The following SAXO4 variants were observed in gnomAD, a reference collection of about 807,000 sequenced individuals.
SAXO4 encodes stabilizer of axonemal microtubules 4, also known as protein phosphatase 1 regulatory subunit 32.
the SAXO4 span, chr11:61,486,863 T>A: frequency 1.7e-6 from 2 of 1,157,474 alleles, no homozygotes; most frequent in South Asian, 2.5e-5. Context: ...CACAGCTGTG[T>A]GTGCCTCTGC....
At chr11:61,482,554 G>A in the SAXO4 span, 5 of 1,581,716 alleles carry the variant, frequency 3.2e-6, no homozygotes, top group African/African-American at 1.4e-5. Context: ...AGGGCACAGC[G>A]GACCTCTGAG....
At chr11:61,483,360 G>T in the SAXO4 span, among the ~76,000 whole-genome samples, 1 of 151,804 alleles carries the variant, frequency 6.6e-6, no homozygotes, top group Non-Finnish European at 1.5e-5. Context: ...TACAGACAGG[G>T]TTTCACCGTG....
chr11:61,485,445 C>T, the SAXO4 span: 1 of 1,558,608 alleles, frequency 6.4e-7, no homozygotes, highest in Non-Finnish European at 8.8e-7. Context: ...ATCTTCCAAT[C>T]CACCTCCCTA....
chr11:61,482,133 C>T, the SAXO4 span, among the ~76,000 whole-genome samples: 2 of 152,194 alleles, frequency 1.3e-5, no homozygotes, highest in African/African-American at 4.8e-5. Context: ...CCCAGCCCAC[C>T]CACTCCATTT....
At chr11:61,488,543 A>G in the SAXO4 span, among the ~76,000 whole-genome samples, 1 of 152,044 alleles carries the variant, frequency 6.6e-6, no homozygotes, top group Non-Finnish European at 1.5e-5. Flanking sequence ...TGACCTCGTG[A>G]TCTGCCCGCC....
At chr11:61,487,043 G>A in the SAXO4 span, 3 of 1,614,026 alleles carry the variant, frequency 1.9e-6, no homozygotes, top group East Asian at 2.2e-5. Flanking sequence ...TGCTTGGCCG[G>A]GAGACTGTGG....
the SAXO4 span, chr11:61,490,429 C>CAGAAGAAA: frequency 7.2e-7 from 1 of 1,389,032 alleles, no homozygotes; most frequent in Non-Finnish European, 1.0e-6. Flanking sequence ...GAGGGTCAGG[C>CAGAAGAAA]AGAAGACAAG....
chr11:61,485,678 A>G, the SAXO4 span: 2 of 771,234 alleles, frequency 2.6e-6, no homozygotes, highest in Admixed American at 4.6e-5. Flanking sequence ...CACGATCCTC[A>G]TGGCGCAGGT....
chr11:61,485,269 C>T, the SAXO4 span: 1 of 1,393,802 alleles, frequency 7.2e-7, no homozygotes, highest in Non-Finnish European at 1.0e-6. Flanking sequence ...GGCGCCACTC[C>T]ACCGCCGCCA....
the SAXO4 span, chr11:61,481,960 C>A: frequency 7.3e-7 from 1 of 1,360,592 alleles, no homozygotes; most frequent in Non-Finnish European, 1.0e-6. Flanking sequence ...AGGACATGGG[C>A]AGGAAGGGAG....
the SAXO4 span, chr11:61,482,842 C>G: frequency 6.4e-7 from 1 of 1,562,292 alleles, no homozygotes; most frequent in South Asian, 1.2e-5. Flanking sequence ...AGAGGGAAGC[C>G]TCAGGGTGGG....
At chr11:61,482,857 G>A in the SAXO4 span, 3 of 1,525,516 alleles carry the variant, frequency 2.0e-6, no homozygotes, top group Admixed American at 4.4e-5. Flanking sequence ...GGTGGGGTGG[G>A]GCTAGGGCTG....
At chr11:61,489,504 G>A in the SAXO4 span, 6 of 576,220 alleles carry the variant, frequency 1.0e-5, no homozygotes, top group South Asian at 4.5e-5. Context: ...TGGATGAGAC[G>A]GGGTCCCCAC....
At chr11:61,490,183 C>G in the SAXO4 span, among the ~76,000 whole-genome samples, 1 of 152,114 alleles carries the variant, frequency 6.6e-6, no homozygotes, top group Admixed American at 6.5e-5. Flanking sequence ...TTCCCCAGGC[C>G]CGGTGGACTG....
At chr11:61,486,555 G>T in the SAXO4 span, 21 of 1,614,096 alleles carry the variant, frequency 1.3e-5, no homozygotes, top group Middle Eastern at 3.3e-4. Flanking sequence ...TTGGCCAGAG[G>T]CTCCAAGCGG....
the SAXO4 span, chr11:61,482,845 AG>A: frequency 3.9e-6 from 6 of 1,557,204 alleles, no homozygotes; most frequent in Non-Finnish European, 5.2e-6. Context: ...GGGAAGCCTC[AG>A]GGTGGGGTGG....
the SAXO4 span, chr11:61,482,300 C>G: frequency 6.2e-7 from 1 of 1,612,928 alleles, no homozygotes; most frequent in Non-Finnish European, 8.5e-7. Context: ...TCCCCGTTAC[C>G]CCTCTGGCAG....
the SAXO4 span, among the ~76,000 whole-genome samples, chr11:61,483,164 C>CTTTTT: frequency 5.8e-4 from 69 of 119,348 alleles, no homozygotes; most frequent in East Asian, 1.3e-3. Flanking sequence ...ATTTCTTTTT[C>CTTTTT]TTTTTTTTTT....
chr11:61,490,551 G>A, the SAXO4 span: 20 of 1,614,054 alleles, frequency 1.2e-5, no homozygotes, highest in East Asian at 8.9e-5. Flanking sequence ...CACAGCAGCC[G>A]CTGCGTGGCA....
Sources: allele counts gnomAD v4.1 joint callset (sites outside exome capture counted in the v4.1 genomes callset), GRCh38; gene constraint gnomAD v4.1.1; transcripts MANE v1.5; gene names NCBI Gene and HGNC (gene_info 2026-07-23, HGNC 2026-07-21).